The following NFATC2 variants were observed in gnomAD, a reference collection of about 807,000 sequenced individuals.
The protein encoded by NFATC2 is nuclear factor of activated T cells 2, also known as nuclear factor of activated T-cells, cytoplasmic 2.
Under a neutral mutation model 87.3 loss-of-function variants are expected in NFATC2, and 22 were observed. The ratio of observed to expected loss-of-function variants is 0.25; its 90% CI spans 0.18 to 0.36. The LOEUF is 0.36. Ranked by LOEUF, NFATC2 falls within the 10% of genes least tolerant of loss-of-function variation. NFATC2 has a pLI of 1.00. For missense variants in NFATC2, 1,149 were observed against 1,259.1 expected, an observed-to-expected ratio of 0.91 and a Z score of 1.32; for synonymous variants, 565 against 542.2, an observed-to-expected ratio of 1.04 and a Z score of -0.58.
chr20:51,398,714 G>T lies in NFATC2; in HGVS notation c.2739C>A (p.His913Gln). 6.2e-7 allele frequency: 1 copy of T among 1,612,150 alleles called. No homozygotes were observed. The highest frequency in any genetic ancestry group is 8.5e-7 in the Non-Finnish European group (1 of 1,178,782). ...ATAATATGTTTTGTATCCAGCTAAG[G>T]TGTGTGTCTATCAGCTCTGAAAAAG... is the stretch of plus-strand genomic sequence containing the variant. ...TYLDDELIDT[H>Q]LSWIQNIL Residue 913 changes from histidine to glutamine, a missense_variant, in exon 10 of 11, where the codon CAC becomes CAA. His to Gln is a conservative substitution (Grantham distance 24). Transcript: ENST00000371564.
intron 3 of NFATC2, among the ~76,000 whole-genome samples, chr20:51,495,041 A>C (rs1321756096): frequency 2.0e-5 from 3 of 152,176 alleles, no homozygotes; most frequent in Non-Finnish European, 2.9e-5. Context: ...CAAAGTAAGA[A>C]CCAACCCAGC....
intron 1 of NFATC2, among the ~76,000 whole-genome samples, chr20:51,533,807 C>T (rs73615402): frequency 5.3e-5 from 8 of 152,330 alleles, no homozygotes; most frequent in East Asian, 1.9e-4. Context: ...CGAACCCACG[C>T]GCTGACACGT....
Position 51,391,353 on chromosome 20 carries a change from C to T in NFATC2, c.*143G>A, listed in dbSNP as rs755125628. On this transcript the variant is annotated 3_prime_UTR_variant, in exon 11 of 11. Coordinates refer to ENST00000371564, the MANE Select transcript of NFATC2 (RefSeq NM_012340.5). ...GAAGGTGAGGGGCTGTGGAGGGCTC[C>T]GAGGGGTCAGATACAGAAGGTGTCT... 7 of 1,597,768 alleles carry T rather than the reference C, an allele frequency of 4.4e-6. No homozygotes were observed. Among genetic ancestry groups the T allele is most frequent in the African/African-American group, 2.7e-5 (2 of 74,140 alleles).
In NFATC2 at chr20:51,519,144, T is replaced by C. The variant is rs867494591; in HGVS notation, c.1161-2189A>G. Among the ~76,000 whole-genome samples, 7 of 152,302 alleles carry C rather than the reference T, an allele frequency of 4.6e-5. No homozygotes were observed. In the South Asian group the frequency reaches 1.2e-3, roughly 27 times the overall value. ...CACACGTGTCAAACACTTTTACCCA[T>C]ATCATATACACAAGTGAAAAGTTTT... On this transcript the variant is annotated intron_variant, in intron 2 of 10. Transcript: ENST00000371564.
At chr20:51,488,501 C>T (rs2075822974) in intron 3 of NFATC2, among the ~76,000 whole-genome samples, 1 of 152,064 alleles carries the variant, frequency 6.6e-6, no homozygotes, top group African/African-American at 2.4e-5. Context: ...CTGTGATGCA[C>T]AAAAAAGTCT....
chr20:51,492,016 C>A (rs2146588455), intron 3 of NFATC2, among the ~76,000 whole-genome samples: 1 of 151,978 alleles, frequency 6.6e-6, no homozygotes, highest in East Asian at 1.9e-4. Context: ...CCCGGAGTGC[C>A]ATGAACACCC....
intron 9 of NFATC2, among the ~76,000 whole-genome samples, chr20:51,431,568 AAGCTGTTCTGATAAAGCCACTTTTCAATG>A (rs1230278813): frequency 6.6e-6 from 1 of 152,200 alleles, no homozygotes; most frequent in Non-Finnish European, 1.5e-5. Flanking sequence ...GCCTGCCTGC[AAGCTGTTCTGATAAAGCCACTTTTCAATG>A]AGCTTTCTTC....
intron 6 of NFATC2, among the ~76,000 whole-genome samples, chr20:51,448,576 G>A (rs1342170343): frequency 2.0e-5 from 3 of 152,184 alleles, no homozygotes; most frequent in East Asian, 1.9e-4. Flanking sequence ...CCTGGGAGGC[G>A]GAGCTTGCAG....
At chr20:51,505,365 A>T (rs548418537) in intron 3 of NFATC2, among the ~76,000 whole-genome samples, 1 of 151,920 alleles carries the variant, frequency 6.6e-6, no homozygotes, top group South Asian at 2.1e-4. Flanking sequence ...AAGAGCTAAA[A>T]ATAAAGTAAA....
chr20:51,427,548 T>C (rs772957060), intron 9 of NFATC2, among the ~76,000 whole-genome samples: 1 of 152,160 alleles, frequency 6.6e-6, no homozygotes, highest in African/African-American at 2.4e-5. Context: ...CCCCCTTTTT[T>C]CAACCCTTGA....
At chr20:51,534,084 C>T (rs886314413) in intron 1 of NFATC2, among the ~76,000 whole-genome samples, 2 of 152,198 alleles carry the variant, frequency 1.3e-5, no homozygotes, top group African/African-American at 2.4e-5. Flanking sequence ...CACGTGTACG[C>T]TCCCCTGTTC....
intron 1 of NFATC2, among the ~76,000 whole-genome samples, chr20:51,548,640 A>G (rs559191910): frequency 1.3e-5 from 2 of 152,372 alleles, no homozygotes; most frequent in South Asian, 2.1e-4. Flanking sequence ...TTCAAATTTA[A>G]GTGGACATCC....
chr20:51,454,455 T>C (rs776574971), intron 6 of NFATC2, 93 bp downstream of exon 6: 59 of 1,397,686 alleles, frequency 4.2e-5, no homozygotes, highest in Non-Finnish European at 5.6e-5. Context: ...CACGGTGGGA[T>C]CTACCCCCCA....
intron 9 of NFATC2, chr20:51,399,011 G>A (rs1987673669): frequency 6.0e-6 from 2 of 331,272 alleles, no homozygotes; most frequent in Non-Finnish European, 1.1e-5. Flanking sequence ...AAGGGCTGCT[G>A]TGGGTATGTG....
intron 6 of NFATC2, among the ~76,000 whole-genome samples, chr20:51,451,289 A>AT (rs1985738831): frequency 6.6e-6 from 1 of 152,274 alleles, no homozygotes; most frequent in Non-Finnish European, 1.5e-5. Context: ...CCTGATTCTG[A>AT]TTTTTCCTCA....
At chr20:51,403,731 C>A (rs947077159) in intron 9 of NFATC2, among the ~76,000 whole-genome samples, 8 of 152,190 alleles carry the variant, frequency 5.3e-5, no homozygotes, top group African/African-American at 1.9e-4. Flanking sequence ...TGACTGTCTG[C>A]AAGCCAGGAC....
chr20:51,562,726 C>A, upstream of NFATC2: 1 of 1,253,338 alleles, frequency 8.0e-7, no homozygotes, highest in Non-Finnish European at 1.1e-6. The surrounding 1 kb of genome is among the most constrained non-coding windows in gnomAD (Gnocchi z 5.8). Context: ...CGCGTGCCCG[C>A]GGGGCTGCCC....
At chr20:51,475,830 CT>C (rs1367562175) in intron 3 of NFATC2, among the ~76,000 whole-genome samples, 170 bp from the exon 4 acceptor site, 1 of 152,084 alleles carries the variant, frequency 6.6e-6, no homozygotes, top group South Asian at 2.1e-4. Context: ...GAGGGTAACG[CT>C]TGGATAAATT....
intron 3 of NFATC2, among the ~76,000 whole-genome samples, chr20:51,491,294 A>G (rs6013196): frequency 6.4e-4 from 98 of 152,236 alleles, no homozygotes; most frequent in Middle Eastern, 3.4e-3. Context: ...TAAAAAAAAA[A>G]AAGAAGAGGG....
Sources: gnomAD v4.1 joint callset for allele counts (sites outside exome capture counted in the v4.1 genomes callset) on GRCh38, gnomAD v4.1.1 for gene constraint, Gnocchi (gnomAD v3.1) non-coding constraint, MANE v1.5 for transcripts, NCBI Gene and HGNC (gene_info 2026-07-23, HGNC 2026-07-21) for gene names.